Variants in UTP20 observed in about 807,000 individuals in gnomAD.
The protein encoded by UTP20 is small subunit processome component 20 homolog.
UTP20 carries 164 observed loss-of-function variants against 329.5 expected under a neutral mutation model. The ratio of observed to expected loss-of-function variants is 0.50; its 90% CI spans 0.44 to 0.57. UTP20 has a LOEUF of 0.57. UTP20 is among the 20% of genes least tolerant of loss of function. UTP20 has a pLI of 0.00. For synonymous variants in UTP20, 1,151 were observed against 1,159.3 expected (o/e 0.99, Z 0.14); for missense variants, 3,055 against 3,284.2 (o/e 0.93, Z 1.71).
chr12:101,356,569 G>A lies in UTP20; in HGVS notation c.5410G>A (p.Glu1804Lys). 6.2e-7 allele frequency: 1 copy of A among 1,611,424 alleles called. No individual in the cohort carries two copies. The highest frequency in any genetic ancestry group is 2.2e-5 in the East Asian group (1 of 44,844). ...CLASTTKREEEHKLVKSKVVN... is the reference protein window; with the variant it reads ...CLASTTKREEKHKLVKSKVVN... The stretch of plus-strand genomic sequence containing the variant: ...TTTCTTACAGACTAAAAGGGAAGAA[G>A]AACACAAGCTTGTCAAGTCAAAGGT... The change falls in exon 42 of 62, where the codon GAA becomes AAA. Residue 1804 changes from glutamate to lysine, a missense_variant. Glu to Lys is a moderately conservative substitution (Grantham distance 56, BLOSUM62 1). Transcript: ENST00000261637.
chr12:101,359,658 C>G (rs757867757), intron 43 of UTP20, among the ~76,000 whole-genome samples: 1 of 152,042 alleles, frequency 6.6e-6, no homozygotes, highest in African/African-American at 2.4e-5. Flanking sequence ...TTTTTCAGTT[C>G]TAAAATTTTC....
intron 6 of UTP20, 51 bp downstream of exon 6, chr12:101,289,092 A>C (rs1469070226): frequency 6.6e-7 from 1 of 1,504,160 alleles, no homozygotes; most frequent in African/African-American, 1.4e-5. Context: ...AATCTGATGA[A>C]TAGGCCAGGC....
intron 46 of UTP20, 114 bp from the exon 47 acceptor site, chr12:101,366,444 C>G (rs558254277): frequency 1.5e-6 from 2 of 1,362,898 alleles, no homozygotes; most frequent in South Asian, 2.9e-5. Context: ...AAAACCCAAG[C>G]AAATGGCACA....
At chr12:101,317,409 A>G in intron 21 of UTP20, 69 bp from the exon 22 acceptor site, 1 of 1,532,024 alleles carries the variant, frequency 6.5e-7, no homozygotes, top group Non-Finnish European at 8.9e-7. Flanking sequence ...TCTCTCATGA[A>G]CAGAATCAGC....
At chr12:101,338,984 A>T in intron 31 of UTP20, 27 bp downstream of exon 31, 3 of 1,557,264 alleles carry the variant, frequency 1.9e-6, no homozygotes, top group Non-Finnish European at 2.6e-6. Context: ...TACTTAAAAG[A>T]TAACATTACC....
intron 38 of UTP20, 69 bp downstream of exon 38, chr12:101,346,657 T>C: frequency 1.4e-6 from 2 of 1,443,654 alleles, no homozygotes; most frequent in Non-Finnish European, 1.9e-6. Context: ...AGAATATACA[T>C]GGAGTTGGTG....
intron 24 of UTP20, among the ~76,000 whole-genome samples, 185 bp from the exon 25 acceptor site, chr12:101,321,319 C>G (rs892486698): frequency 1.3e-5 from 2 of 151,908 alleles, no homozygotes; most frequent in African/African-American, 4.8e-5. Context: ...ATCCGTTATA[C>G]CTTTTGAAAT....
Position 101,302,477 on chromosome 12 carries a change from A to T in UTP20, c.1705A>T (p.Asn569Tyr). The change falls in exon 15 of 62, where the codon AAT (asparagine) becomes TAT (tyrosine). Residue 569 changes from asparagine (N) to tyrosine (Y), a missense_variant. Coordinates refer to ENST00000261637, the MANE Select transcript of UTP20 (RefSeq NM_014503.3). Reference protein sequence around the residue: ...GNLFVLCQAVNTLLSLEESSE... With the variant: ...GNLFVLCQAVYTLLSLEESSE... Reference sequence around the variant, plus strand: ...CTTATTTGTTCTTTGTCAAGCTGTAAATACTCTACTAAGTTTGGAAGAATC... The same window carrying T: ...CTTATTTGTTCTTTGTCAAGCTGTATATACTCTACTAAGTTTGGAAGAATC... 1.9e-6 allele frequency: 3 copies of T among 1,610,226 alleles called. No homozygotes were observed. Among genetic ancestry groups the T allele is most frequent in the Non-Finnish European group, 2.5e-6 (3 of 1,179,056 alleles).
chr12:101,340,991 T>C (rs1166437418), intron 32 of UTP20, among the ~76,000 whole-genome samples: 2 of 96,942 alleles, frequency 2.1e-5, no homozygotes, highest in African/African-American at 1.0e-4. Context: ...TTTTTTTTTT[T>C]TGAGATGGAG....
rs953880159 is a variant in UTP20, at chr12:101,365,588, A to G, written c.6088A>G (p.Ile2030Val). 25 of 1,586,352 alleles carry G rather than the reference A, an allele frequency of 1.6e-5. No individual in the cohort carries two copies. The highest frequency in any genetic ancestry group is 2.0e-5 in the Non-Finnish European group (23 of 1,171,586). Residue 2030 changes from isoleucine to valine, a missense_variant, in exon 46 of 62, where the codon ATC (isoleucine) becomes GTC (valine). Physicochemically the swap from Ile to Val is conservative, Grantham distance 29. This residue lies in a region of UTP20 where 2,445 missense variants were observed against 2,575.5 expected (regional missense o/e 0.95). Transcript: ENST00000261637. ...CATTCTATTACTCAGTTATGGTTTG[A>G]TCAGTGAAAATCTTCCCCTGTTAAC... ...ESILLLSYGL[I>V]SENLPLLTEK...
Position 101,355,049 on chromosome 12 carries a change from A to C in UTP20, c.5325A>C (p.Thr1775=). ...AAAACAAGGAAGAAATAGAGAGAAC[A>C]ATTAAAAATATCCAAGGAACCATAA... ...LPQNKEEIER[T]IKNIQGTITG... The change falls in exon 41 of 62, where the codon ACA becomes ACC. Residue 1775 remains threonine, a synonymous_variant. Coordinates refer to ENST00000261637, the MANE Select transcript of UTP20 (RefSeq NM_014503.3). The C allele has an allele frequency of 1.9e-6, 3 of 1,614,220 alleles. No individual in the cohort carries two copies. The highest frequency in any genetic ancestry group is 1.3e-5 in the African/African-American group (1 of 75,056).
At chr12:101,300,545 CACA>C (rs1317432289) in intron 14 of UTP20, among the ~76,000 whole-genome samples, 2 of 152,124 alleles carry the variant, frequency 1.3e-5, no homozygotes, top group African/African-American at 4.8e-5. Context: ...TCAGCTCAGG[CACA>C]ACACCTCTAG....
chr12:101,281,281 G>A (rs1871789403), intron 2 of UTP20, 85 bp downstream of exon 2: 6 of 1,227,858 alleles, frequency 4.9e-6, no homozygotes, highest in Admixed American at 3.8e-5. Flanking sequence ...GTTTTTCAAG[G>A]TATTCCTTTT....
intron 29 of UTP20, among the ~76,000 whole-genome samples, chr12:101,335,732 G>A (rs1289988461): frequency 2.6e-5 from 4 of 152,000 alleles, no homozygotes; most frequent in African/African-American, 9.7e-5. Flanking sequence ...GTATCTTTAT[G>A]TCATGAACAT....
intron 54 of UTP20, among the ~76,000 whole-genome samples, chr12:101,374,251 A>G (rs1870401273): frequency 6.6e-6 from 1 of 152,084 alleles, no homozygotes; most frequent in Admixed American, 6.5e-5. Context: ...AAAAAAAATA[A>G]ATAAAAAGTA....
In UTP20 at chr12:101,349,161, T is replaced by C. The variant is rs1256348803; in HGVS notation, c.4884+2573T>C. Among the ~76,000 whole-genome samples the C allele has an allele frequency of 5.9e-5, 9 of 152,172 alleles. No homozygotes were observed. In the East Asian group the frequency reaches 1.7e-3, roughly 29 times the overall value. On this transcript the variant is annotated intron_variant, in intron 38 of 61. Transcript: ENST00000261637. ...ATGTAATGTGTTTGGGGTTTTTTGT[T>C]TTTGTTTTGTTTTGTTTTTTTGTTT... is the stretch of plus-strand genomic sequence containing the variant.
intron 27 of UTP20, among the ~76,000 whole-genome samples, chr12:101,332,516 T>A (rs1325496168): frequency 1.3e-5 from 2 of 152,148 alleles, no homozygotes; most frequent in African/African-American, 4.8e-5. Context: ...CTGAACAAAT[T>A]GGCTGCGTAT....
rs1250242704 is a variant in UTP20, at chr12:101,351,969, TACTA to T, written c.4885-82_4885-79del. The T allele has an allele frequency of 9.2e-5, 138 of 1,495,148 alleles. 1 individual carries two copies. In the East Asian group the frequency reaches 2.7e-3, roughly 30 times the overall value. 92.6% of individuals were successfully genotyped at this position (1,495,148 alleles called of 1,614,324 possible). ...TTCTCTTCTGTAATTACTGAGAACTTACTAACTTTTTCAATATACTGAGTTAGCC... is the reference window on the plus strand; with the variant it reads ...TTCTCTTCTGTAATTACTGAGAACTTACTTTTTCAATATACTGAGTTAGCC... On this transcript the variant is annotated intron_variant, in intron 38 of 61. Coordinates refer to ENST00000261637, the MANE Select transcript of UTP20 (RefSeq NM_014503.3).
rs1306246960 is a variant in UTP20 at position 101,383,081 on chromosome 12, T to C, written c.7697T>C (p.Leu2566Ser). The change falls in exon 59 of 62, where the codon TTA becomes TCA. Residue 2566 changes from leucine to serine, a missense_variant. By Grantham distance (145) the Leu-to-Ser change is moderately radical (BLOSUM62 -2). Around this residue, in one of 3 missense-constraint regions of UTP20, gnomAD observed 337 missense variants for 345.5 expected, o/e 0.98. Coordinates refer to ENST00000261637, the MANE Select transcript of UTP20 (RefSeq NM_014503.3). ...NLLFAAKVLY[L>S]LELYCEDKQS... is the part of the protein sequence containing the mutation. ...TTGTTCGCAGCCAAAGTCTTGTATTTACTGGAACTTTATTGTGAGGATAAG... is the reference window on the plus strand; with the variant it reads ...TTGTTCGCAGCCAAAGTCTTGTATTCACTGGAACTTTATTGTGAGGATAAG... 6.2e-7 allele frequency: 1 copy of C among 1,611,366 alleles called. No individual in the cohort carries two copies. Among genetic ancestry groups the C allele is most frequent in the Non-Finnish European group, 8.5e-7 (1 of 1,179,338 alleles).
Sources: gnomAD v4.1 joint callset for allele counts (sites outside exome capture counted in the v4.1 genomes callset) on GRCh38, gnomAD v4.1.1 for gene constraint, gnomAD v4.1.1 regional missense constraint, MANE v1.5 for transcripts, NCBI Gene and HGNC (gene_info 2026-07-23, HGNC 2026-07-21) for gene names.